Variants in GRM5 observed in about 807,000 individuals in gnomAD.
The protein encoded by GRM5 is glutamate metabotropic receptor 5.
GRM5 carries 19 observed loss-of-function variants against 83.1 expected under a neutral mutation model. The observed-to-expected ratio is 0.23, with a 90% CI of 0.16 to 0.34. The LOEUF (loss-of-function observed/expected upper bound fraction) is 0.34, where lower values mean the gene tolerates loss of function less well. GRM5 is among the 10% of genes least tolerant of loss of function. The pLI is 1.00. For synonymous variants in GRM5, 675 were observed against 633.6 expected (o/e 1.07, Z -0.98); for missense variants, 1,160 against 1,588.3 (o/e 0.73, Z 4.58).
intron 4 of GRM5, among the ~76,000 whole-genome samples, chr11:88,646,521 A>G (rs185754403): frequency 2.4e-4 from 36 of 152,156 alleles, no homozygotes; most frequent in Admixed American, 2.4e-3. Context: ...AAGGCTACAA[A>G]CACTTTAGAC....
intron 8 of GRM5, among the ~76,000 whole-genome samples, chr11:88,533,527 T>C (rs546351237): frequency 6.6e-6 from 1 of 152,170 alleles, no homozygotes; most frequent in Non-Finnish European, 1.5e-5. Context: ...CTTATTTATT[T>C]TATTTATTCT....
At chr11:88,542,656 C>T (rs974492269) in intron 8 of GRM5, among the ~76,000 whole-genome samples, 4 of 152,174 alleles carry the variant, frequency 2.6e-5, no homozygotes, top group Admixed American at 2.6e-4. Flanking sequence ...TGGTTTTCTA[C>T]TTGACATCCA....
At chr11:88,889,870 A>C (rs1247171824) in intron 2 of GRM5, among the ~76,000 whole-genome samples, 4 of 151,944 alleles carry the variant, frequency 2.6e-5, no homozygotes, top group Admixed American at 1.3e-4. Flanking sequence ...AACAAAAAAA[A>C]CCCTTTCTTT....
intron 5 of GRM5, among the ~76,000 whole-genome samples, chr11:88,597,873 TA>T (rs1937860995): frequency 6.6e-6 from 1 of 152,096 alleles, no homozygotes; most frequent in South Asian, 2.1e-4. Flanking sequence ...GAGTGATGTT[TA>T]AAAAAGTTTG....
intron 4 of GRM5, among the ~76,000 whole-genome samples, chr11:88,647,750 T>C (rs997685910): frequency 6.6e-5 from 10 of 152,200 alleles, no homozygotes; most frequent in South Asian, 2.1e-4. Context: ...TTGCAACCTA[T>C]TGATCTGACA....
At chr11:88,908,462 A>AC (rs1331514864) in intron 2 of GRM5, among the ~76,000 whole-genome samples, 1 of 152,008 alleles carries the variant, frequency 6.6e-6, no homozygotes, top group Non-Finnish European at 1.5e-5. Flanking sequence ...CCTCTGCACC[A>AC]CCTCTTTCAC....
chr11:88,902,065 G>T (rs554718545), intron 2 of GRM5, among the ~76,000 whole-genome samples: 51 of 152,090 alleles, frequency 3.4e-4, no homozygotes, highest in African/African-American at 1.2e-3. Context: ...CCCTGAGAAG[G>T]TCCCAAAATG....
intron 1 of GRM5, among the ~76,000 whole-genome samples, chr11:89,063,006 G>C (rs1382528417): frequency 6.6e-6 from 1 of 152,276 alleles, no homozygotes; most frequent in Non-Finnish European, 1.5e-5. Flanking sequence ...TAGCCTGAGT[G>C]AAAGAGATGT....
At chr11:88,788,855 T>A (rs1223165635) in intron 3 of GRM5, among the ~76,000 whole-genome samples, 1 of 152,136 alleles carries the variant, frequency 6.6e-6, no homozygotes, top group East Asian at 1.9e-4. Context: ...AAACTTTTCA[T>A]AGGCAAGAAA....
intron 2 of GRM5, among the ~76,000 whole-genome samples, chr11:88,868,796 T>A (rs1944713577): frequency 6.6e-6 from 1 of 151,776 alleles, no homozygotes; most frequent in Non-Finnish European, 1.5e-5. Flanking sequence ...CTCTATTGCC[T>A]ATGTGGGCAC....
At chr11:88,586,091 C>G (rs1504090) in intron 7 of GRM5, among the ~76,000 whole-genome samples, 70,869 of 150,654 alleles carry the variant, frequency 0.47, 20,497 homozygotes, top group African/African-American at 0.83. Flanking sequence ...ATCATTCAAT[C>G]CTCTGCATAC....
At chr11:88,540,996 C>T (rs898020868) in intron 8 of GRM5, among the ~76,000 whole-genome samples, 8 of 152,006 alleles carry the variant, frequency 5.3e-5, no homozygotes, top group African/African-American at 7.2e-5. Flanking sequence ...GTGATCCGCC[C>T]GCCTCGGCTT....
chr11:88,804,184 G>A (rs1943455540), intron 3 of GRM5, among the ~76,000 whole-genome samples: 1 of 149,462 alleles, frequency 6.7e-6, no homozygotes, highest in Non-Finnish European at 1.5e-5. Context: ...TCCCATTACT[G>A]GGTATATACC....
At chr11:88,774,570 G>T (rs1471431646) in intron 3 of GRM5, among the ~76,000 whole-genome samples, 1 of 152,164 alleles carries the variant, frequency 6.6e-6, no homozygotes, top group Non-Finnish European at 1.5e-5. Context: ...CATTCAGTAT[G>T]ACATTGGCTG....
chr11:89,006,531 C>T (rs1940530095), intron 2 of GRM5, among the ~76,000 whole-genome samples: 1 of 152,272 alleles, frequency 6.6e-6, no homozygotes, highest in African/African-American at 2.4e-5. Context: ...CCCCCAATGA[C>T]TTCCCATTGC....
At chr11:88,643,262 T>A (rs6483336) in intron 4 of GRM5, among the ~76,000 whole-genome samples, 129,259 of 151,808 alleles carry the variant, frequency 0.85, 56,975 homozygotes, top group Non-Finnish European at 0.97. Flanking sequence ...GGTAGAGGTA[T>A]GGTGCCATGC....
intron 5 of GRM5, among the ~76,000 whole-genome samples, chr11:88,599,701 C>T (rs760946560): frequency 3.3e-5 from 5 of 152,154 alleles, no homozygotes; most frequent in Non-Finnish European, 5.9e-5. Context: ...ATCTAGAAGA[C>T]TGTATTTTGT....
At chr11:88,558,799 CAAAAAA>C (rs71265014) in intron 8 of GRM5, among the ~76,000 whole-genome samples, 1 of 21,922 alleles carries the variant, frequency 4.6e-5, no homozygotes, top group African/African-American at 1.3e-4. Flanking sequence ...GACTCCATCT[CAAAAAA>C]AAAAAAAAAA....
chr11:88,529,175 C>G (rs897704388), intron 8 of GRM5, among the ~76,000 whole-genome samples: 2 of 151,758 alleles, frequency 1.3e-5, no homozygotes, highest in African/African-American at 2.4e-5. Flanking sequence ...CATTCAAAAC[C>G]GTTTACTGAA....
Sources: allele counts gnomAD v4.1 joint callset (sites outside exome capture counted in the v4.1 genomes callset), GRCh38; gene constraint gnomAD v4.1.1; transcripts MANE v1.5; gene names NCBI Gene and HGNC (gene_info 2026-07-23, HGNC 2026-07-21).